INPP4B: variants seen among roughly 807,000 people sequenced by gnomAD.
INPP4B encodes the protein inositol polyphosphate-4-phosphatase type II B, also known as inositol polyphosphate 4-phosphatase type II.
In INPP4B, 55 loss-of-function variants were observed where a neutral mutation model predicts 122.5. The ratio of observed to expected loss-of-function variants is 0.45; its 90% CI spans 0.36 to 0.56. The LOEUF (loss-of-function observed/expected upper bound fraction) is 0.56, where lower values mean the gene tolerates loss of function less well. Among genes scored for constraint, INPP4B ranks in the 20% least tolerant of loss-of-function variants. The probability of loss-of-function intolerance (pLI) is 0.00; values close to 1 mark genes in which losing one functional copy is unlikely to be tolerated. For synonymous variants in INPP4B, 403 were observed against 388.7 expected (o/e 1.04, Z -0.43); for missense variants, 1,000 against 1,097.7 (o/e 0.91, Z 1.26).
intron 14 of INPP4B, among the ~76,000 whole-genome samples, chr4:142,196,954 G>A (rs572413538): frequency 6.5e-4 from 98 of 151,518 alleles, no homozygotes; most frequent in Middle Eastern, 6.8e-3. Context: ...ATGAAACCCC[G>A]TCTCTACTAA....
intron 2 of INPP4B, among the ~76,000 whole-genome samples, chr4:142,489,593 C>T (rs1560715669): frequency 1.3e-5 from 2 of 152,000 alleles, no homozygotes; most frequent in Non-Finnish European, 2.9e-5. Context: ...GAGGTTTCAC[C>T]CTGTTGGCCA....
chr4:142,278,738 G>A (rs1208259267), intron 9 of INPP4B, among the ~76,000 whole-genome samples: 1 of 151,964 alleles, frequency 6.6e-6, no homozygotes, highest in Non-Finnish European at 1.5e-5. Flanking sequence ...GTATGGAGGA[G>A]ATTGTGGAGA....
At chr4:142,564,451 AAAAG>A (rs35888532) in intron 2 of INPP4B, among the ~76,000 whole-genome samples, 4 of 131,700 alleles carry the variant, frequency 3.0e-5, no homozygotes, top group African/African-American at 1.1e-4. Context: ...AAAAAAAAAA[AAAAG>A]AAAGAAAGAA....
At chr4:142,259,989 G>A (rs1579497746) in intron 11 of INPP4B, among the ~76,000 whole-genome samples, 1 of 151,530 alleles carries the variant, frequency 6.6e-6, no homozygotes. Context: ...TTTGTTTTTT[G>A]TTCATTTGTT....
chr4:142,707,704 C>T (rs976247100), intron 2 of INPP4B, among the ~76,000 whole-genome samples: 1 of 152,208 alleles, frequency 6.6e-6, no homozygotes, highest in Non-Finnish European at 1.5e-5. Flanking sequence ...GACAAGTAAA[C>T]TTCTTTTCTT....
chr4:142,074,983 T>C (rs929414386), intron 25 of INPP4B, among the ~76,000 whole-genome samples: 2 of 151,988 alleles, frequency 1.3e-5, no homozygotes, highest in Non-Finnish European at 2.9e-5. Flanking sequence ...ATTCTTTTTA[T>C]CCTCTGAGCC....
At chr4:142,649,386 G>C (rs992493503) in intron 2 of INPP4B, among the ~76,000 whole-genome samples, 1 of 152,196 alleles carries the variant, frequency 6.6e-6, no homozygotes, top group Non-Finnish European at 1.5e-5. Flanking sequence ...CAAGTTGACA[G>C]AAGTAGGCTT....
At chr4:142,732,926 C>A (rs1766313870) in intron 1 of INPP4B, among the ~76,000 whole-genome samples, 1 of 151,994 alleles carries the variant, frequency 6.6e-6, no homozygotes, top group South Asian at 2.1e-4. Context: ...TATTATAAAG[C>A]TTTTGTAATT....
chr4:142,193,068 T>C lies in INPP4B; in HGVS notation c.1181+19A>G. The C allele has an allele frequency of 7.0e-7, 1 of 1,428,326 alleles. No individual in the cohort carries two copies. The allele number at this position is 1,428,326 out of a possible 1,614,324, so 88.5% of individuals were successfully genotyped here. ...GATGTTATTAATGGAATCTGTGCTT[T>C]CCTCCTGTCTTTACTTACTTTCTTC... On this transcript the variant is annotated intron_variant, in intron 15 of 25. Coordinates refer to ENST00000262992, the MANE Select transcript of INPP4B (RefSeq NM_001101669.3).
At position 142,220,119 on chromosome 4, in the gene INPP4B, C is replaced by T. The variant is rs538570558; in HGVS notation, c.837-11093G>A. Among the ~76,000 whole-genome samples, 18 of 152,316 alleles carry T rather than the reference C, an allele frequency of 1.2e-4. No individual in the cohort carries two copies. The South Asian group carries it at 3.1e-3, about 26-fold the overall frequency. The stretch of plus-strand genomic sequence containing the variant: ...GAGAAGTACAGTGACTTCGTTGATG[C>T]CACATTGCCAGTAAATGGTAGATTC... On this transcript the variant is annotated intron_variant, in intron 12 of 25. Coordinates refer to ENST00000262992, the MANE Select transcript of INPP4B (RefSeq NM_001101669.3).
intron 10 of INPP4B, among the ~76,000 whole-genome samples, chr4:142,262,161 C>T (rs188479689): frequency 5.9e-5 from 9 of 152,258 alleles, no homozygotes; most frequent in South Asian, 4.1e-4. Context: ...TTTTCATCAA[C>T]GTTATATTCA....
intron 9 of INPP4B, among the ~76,000 whole-genome samples, chr4:142,297,855 T>C (rs1759462530): frequency 1.3e-5 from 2 of 152,146 alleles, no homozygotes; most frequent in Non-Finnish European, 1.5e-5. Flanking sequence ...ACTTAGTAAG[T>C]TTCATGCAAG....
At chr4:142,652,095 C>G (rs570895143) in intron 2 of INPP4B, among the ~76,000 whole-genome samples, 1 of 152,098 alleles carries the variant, frequency 6.6e-6, no homozygotes, top group Non-Finnish European at 1.5e-5. Context: ...TAATCCATCA[C>G]GTAAACAGAA....
chr4:142,524,992 T>C lies in INPP4B; in HGVS notation c.-190-62266A>G, dbSNP rs555774643. Among the ~76,000 whole-genome samples, 232 of 152,044 alleles carry C rather than the reference T, an allele frequency of 1.5e-3. 1 individual carries two copies. The highest frequency in any genetic ancestry group is 2.1e-4 in the Non-Finnish European group (14 of 67,984). On this transcript the variant is annotated intron_variant, in intron 2 of 25. Transcript: ENST00000262992. ...ATGATTGTATATCTAGAAAACCCCA[T>C]TGTCTCAGCCCAAAATCTCCTTAAG...
intron 18 of INPP4B, among the ~76,000 whole-genome samples, chr4:142,132,276 T>G (rs1304390054): frequency 2.6e-5 from 4 of 152,016 alleles, no homozygotes; most frequent in Non-Finnish European, 5.9e-5. Flanking sequence ...AGGTTTTTTT[T>G]TTTCTTGGAG....
At chr4:142,494,094 G>A (rs1043666283) in intron 2 of INPP4B, among the ~76,000 whole-genome samples, 1 of 152,148 alleles carries the variant, frequency 6.6e-6, no homozygotes, top group Non-Finnish European at 1.5e-5. Flanking sequence ...ATTTGAAGAA[G>A]AACATGTTTG....
Position 142,074,923 on chromosome 4 carries a change from A to C in INPP4B, c.2642+7108T>G, listed in dbSNP as rs529512237. On this transcript the variant is annotated intron_variant, in intron 25 of 25. Transcript: ENST00000262992. ...ACTTACCTAAATTGTATGCATCCTT[A>C]AGACACAGTTCAGATTCTACCTCCT... Among the ~76,000 whole-genome samples the C allele has an allele frequency of 6.6e-5, 10 of 152,114 alleles. No individual in the cohort carries two copies. In the East Asian group the frequency reaches 1.7e-3, roughly 27 times the overall value.
chr4:142,135,409 A>G (rs1803537420), intron 18 of INPP4B, among the ~76,000 whole-genome samples: 2 of 150,102 alleles, frequency 1.3e-5, no homozygotes, highest in South Asian at 4.1e-4. Context: ...GCAATTTTTA[A>G]CCTTAAAAAA....
intron 3 of INPP4B, among the ~76,000 whole-genome samples, chr4:142,450,286 G>C (rs1177245052): frequency 2.0e-5 from 3 of 152,178 alleles, no homozygotes; most frequent in Non-Finnish European, 4.4e-5. Context: ...AGCAAGGACA[G>C]TTAGAGCACA....
Sources: allele counts gnomAD v4.1 joint callset (sites outside exome capture counted in the v4.1 genomes callset), GRCh38; gene constraint gnomAD v4.1.1; transcripts MANE v1.5; gene names NCBI Gene and HGNC (gene_info 2026-07-23, HGNC 2026-07-21).